UACA: variants seen among roughly 807,000 people sequenced by gnomAD.
UACA encodes the protein uveal autoantigen with coiled-coil domains and ankyrin repeats, also known as nuclear membrane binding protein.
UACA carries 112 observed loss-of-function variants against 160.5 expected under a neutral mutation model. The observed-to-expected ratio is 0.70, with a 90% CI of 0.60 to 0.82. The LOEUF is 0.82. Among genes scored for constraint, UACA ranks in the 40% least tolerant of loss-of-function variants. The probability of loss-of-function intolerance (pLI) is 0.00; values close to 1 mark genes in which losing one functional copy is unlikely to be tolerated. For synonymous variants in UACA, 557 were observed against 568.4 expected (o/e 0.98, Z 0.29); for missense variants, 1,574 against 1,614.6 (o/e 0.97, Z 0.43).
At chr15:70,753,378 G>A (rs2030210463) in intron 1 of UACA, among the ~76,000 whole-genome samples, 1 of 152,158 alleles carries the variant, frequency 6.6e-6, no homozygotes, top group Non-Finnish European at 1.5e-5. Flanking sequence ...TCTCTGGAGG[G>A]AACACAGATT....
At chr15:70,662,612 T>C (rs1339350181) in intron 17 of UACA, among the ~76,000 whole-genome samples, 1 of 152,104 alleles carries the variant, frequency 6.6e-6, no homozygotes, top group Non-Finnish European at 1.5e-5. Context: ...CTTCAAACTA[T>C]ACTACAAGGC....
At chr15:70,717,541 G>A (rs1206413868) in intron 1 of UACA, among the ~76,000 whole-genome samples, 1 of 152,176 alleles carries the variant, frequency 6.6e-6, no homozygotes, top group Non-Finnish European at 1.5e-5. Context: ...ATGGGCAGTA[G>A]GCCACAGTTT....
intron 1 of UACA, among the ~76,000 whole-genome samples, chr15:70,719,634 C>T (rs1898931130): frequency 6.6e-6 from 1 of 152,114 alleles, no homozygotes; most frequent in African/African-American, 2.4e-5. Flanking sequence ...CCTTTGGGCC[C>T]TCGATTTTCT....
intron 1 of UACA, among the ~76,000 whole-genome samples, chr15:70,740,453 A>T (rs1163557646): frequency 0.037 from 2 of 54 alleles, no homozygotes; most frequent in East Asian, 0.25. Context: ...GTCTCTATTA[A>T]AAAAAAAAAA....
rs1206572054 is a variant in UACA, at chr15:70,667,824, T to C, written c.2860A>G (p.Arg954Gly). ...GTCACAATCTCTTCTTGGCCTTTTC[T>C]GTAGTTGGCCAAGATTTCAGCATTA... ...DSNAEILANYRKGQEEIVTLH... is the reference protein window; with the variant it reads ...DSNAEILANYGKGQEEIVTLH... The change falls in exon 16 of 19, where the codon AGA becomes GGA. Residue 954 changes from arginine (R) to glycine (G), a missense_variant. By Grantham distance (125) the Arg-to-Gly change is moderately radical. Transcript: ENST00000322954. 2 of 1,613,946 alleles carry C rather than the reference T, an allele frequency of 1.2e-6. No homozygotes were observed. The highest frequency in any genetic ancestry group is 3.3e-5 in the Admixed American group (2 of 59,960).
intron 1 of UACA, among the ~76,000 whole-genome samples, chr15:70,726,895 G>A (rs1899159704): frequency 6.6e-6 from 1 of 152,120 alleles, no homozygotes; most frequent in Non-Finnish European, 1.5e-5. Context: ...GCTAGAGGGT[G>A]GCCTGGGAGT....
intron 1 of UACA, among the ~76,000 whole-genome samples, chr15:70,729,417 C>T (rs556623069): frequency 2.0e-4 from 30 of 152,230 alleles, no homozygotes; most frequent in Admixed American, 5.2e-4. Flanking sequence ...CACTATCCCA[C>T]GCAAATTAAT....
At chr15:70,761,187 T>C (rs2030731763) in intron 1 of UACA, among the ~76,000 whole-genome samples, 1 of 152,204 alleles carries the variant, frequency 6.6e-6, no homozygotes, top group Non-Finnish European at 1.5e-5. Flanking sequence ...AAAGGGTGAC[T>C]ATATTCATAT....
rs1897306887 is a variant in UACA at position 70,676,504 on chromosome 15, T to G, written c.1120A>C (p.Lys374Gln). ...TATCCTTTCTATACCTCAAAATATTTAAATCTATTTTTCAGAGCCTCAATA... is the reference window on the plus strand; with the variant it reads ...TATCCTTTCTATACCTCAAAATATTGAAATCTATTTTTCAGAGCCTCAATA... Reference protein sequence around the residue: ...RTIEALKNRFKYFESDHLGSG... With the variant: ...RTIEALKNRFQYFESDHLGSG... The change falls in exon 13 of 19, where the codon AAA becomes CAA. Residue 374 changes from lysine (K) to glutamine (Q), a missense_variant. Transcript: ENST00000322954. The G allele has an allele frequency of 6.2e-7, 1 of 1,608,736 alleles. No individual in the cohort carries two copies. Among genetic ancestry groups the G allele is most frequent in the Non-Finnish European group, 8.5e-7 (1 of 1,176,646 alleles).
At chr15:70,700,303 A>ATATATATATATATATATATATATG (rs769927428) in intron 1 of UACA, among the ~76,000 whole-genome samples, 141 of 133,910 alleles carry the variant, frequency 1.1e-3, no homozygotes, top group South Asian at 6.9e-3. Flanking sequence ...GGCAAATTGT[A>ATATATATATATATATATATATATG]TATATATATA....
At chr15:70,713,206 C>A (rs1453559983) in intron 1 of UACA, among the ~76,000 whole-genome samples, 1 of 152,112 alleles carries the variant, frequency 6.6e-6, no homozygotes, top group Non-Finnish European at 1.5e-5. Context: ...AAAAAATTAG[C>A]CGCGCGCGGT....
intron 1 of UACA, among the ~76,000 whole-genome samples, chr15:70,736,724 C>A (rs982558540): frequency 6.6e-6 from 1 of 152,192 alleles, no homozygotes; most frequent in African/African-American, 2.4e-5. Flanking sequence ...CAGGCGTGAG[C>A]CACCGCACCC....
Position 70,667,186 on chromosome 15 carries a change from C to T in UACA, c.3498G>A (p.Leu1166=). 6.2e-7 allele frequency: 1 copy of T among 1,613,862 alleles called. No homozygotes were observed. The highest frequency in any genetic ancestry group is 1.7e-5 in the Admixed American group (1 of 60,000). Residue 1166 remains leucine, a synonymous_variant, in exon 16 of 19, where the codon CTG becomes CTA. Transcript: ENST00000322954. Reference sequence around the variant, plus strand: ...CTTCTTTAATCTGCAAATGCTCTGCCAGGGGTACAGAAGAGTTCTTTTGAT... The same window carrying T: ...CTTCTTTAATCTGCAAATGCTCTGCTAGGGGTACAGAAGAGTTCTTTTGAT... ...LENQKNSSVP[L]AEHLQIKEAF... is the part of the protein sequence containing the mutation.
intron 12 of UACA, 76 bp downstream of exon 12, chr15:70,677,032 G>T: frequency 1.8e-6 from 2 of 1,113,658 alleles, no homozygotes; most frequent in South Asian, 1.5e-5. Flanking sequence ...CTCAATTCAG[G>T]ACTTAAACCT....
intron 1 of UACA, among the ~76,000 whole-genome samples, chr15:70,713,886 TA>T (rs987076120): frequency 6.6e-6 from 1 of 152,014 alleles, no homozygotes; most frequent in African/African-American, 2.4e-5. Flanking sequence ...TGAACCATGC[TA>T]AAAAAACAAC....
At chr15:70,714,877 A>C (rs1212872715) in intron 1 of UACA, among the ~76,000 whole-genome samples, 1 of 152,240 alleles carries the variant, frequency 6.6e-6, no homozygotes, top group Non-Finnish European at 1.5e-5. Flanking sequence ...TGGCTTCTCC[A>C]CGTTTAACAG....
chr15:70,695,630 C>T (rs939734567), intron 2 of UACA, among the ~76,000 whole-genome samples: 21 of 152,238 alleles, frequency 1.4e-4, no homozygotes, highest in African/African-American at 4.8e-4. Flanking sequence ...AAAGAATCAG[C>T]GCCTTCTTCC....
At chr15:70,763,125 C>A (rs981878112) in intron 1 of UACA, among the ~76,000 whole-genome samples, 1 of 152,170 alleles carries the variant, frequency 6.6e-6, no homozygotes, top group Non-Finnish European at 1.5e-5. Flanking sequence ...GGAAGAGACC[C>A]GTAGAGGCTC....
chr15:70,676,921 C>T (rs1897319113), intron 12 of UACA, among the ~76,000 whole-genome samples, 187 bp downstream of exon 12: 1 of 152,102 alleles, frequency 6.6e-6, no homozygotes, highest in Non-Finnish European at 1.5e-5. Context: ...CAACAAAATG[C>T]CTACAATAAT....
Sources: gnomAD v4.1 joint callset for allele counts (sites outside exome capture counted in the v4.1 genomes callset) on GRCh38, gnomAD v4.1.1 for gene constraint, MANE v1.5 for transcripts, NCBI Gene and HGNC (gene_info 2026-07-23, HGNC 2026-07-21) for gene names.